Variants in RAD51B observed in about 807,000 individuals in gnomAD.
RAD51B encodes the protein RAD51 paralog B, also known as DNA repair protein RAD51 homolog 2.
RAD51B carries 38 observed loss-of-function variants against 42.2 expected under a neutral mutation model. The observed-to-expected ratio is 0.90, with a 90% CI of 0.70 to 1.18. The LOEUF (loss-of-function observed/expected upper bound fraction) is 1.18. RAD51B is among the 50% of genes most tolerant of loss of function. RAD51B has a pLI of 0.00. For missense variants in RAD51B, 373 were observed against 400.7 expected (o/e 0.93, Z 0.59); for synonymous variants, 154 against 145.2 (o/e 1.06, Z -0.43).
intron 11 of RAD51B, among the ~76,000 whole-genome samples, chr14:68,658,240 C>G (rs1213857279): frequency 6.6e-6 from 1 of 152,244 alleles, no homozygotes; most frequent in East Asian, 1.9e-4. Flanking sequence ...GTGGGAGCCT[C>G]TGAGCCAGCC....
At chr14:68,662,323 T>A (rs1200734403) in intron 11 of RAD51B, among the ~76,000 whole-genome samples, 1 of 152,248 alleles carries the variant, frequency 6.6e-6, no homozygotes, top group Non-Finnish European at 1.5e-5. Flanking sequence ...CAGATGTACA[T>A]TAATCCTATT....
chr14:68,324,023 A>G (rs562180040), intron 8 of RAD51B, among the ~76,000 whole-genome samples: 33 of 152,362 alleles, frequency 2.2e-4, no homozygotes, highest in African/African-American at 7.9e-4. Flanking sequence ...AGCTGAGAAT[A>G]AAAGCTAAGA....
chr14:68,553,988 A>G (rs1365644115), intron 10 of RAD51B, among the ~76,000 whole-genome samples: 2 of 152,208 alleles, frequency 1.3e-5, no homozygotes, highest in Non-Finnish European at 2.9e-5. Context: ...AATAACAACA[A>G]TGAAAACTTT....
intron 7 of RAD51B, among the ~76,000 whole-genome samples, chr14:68,223,521 A>G (rs957211817): frequency 6.6e-6 from 1 of 152,212 alleles, no homozygotes; most frequent in Non-Finnish European, 1.5e-5. Context: ...GTGTGGCACA[A>G]GCTTACAGGC....
At chr14:68,139,682 A>G (rs2078085838) in intron 7 of RAD51B, among the ~76,000 whole-genome samples, 1 of 152,208 alleles carries the variant, frequency 6.6e-6, no homozygotes, top group Non-Finnish European at 1.5e-5. Context: ...AATATTTGCC[A>G]GTTTTCTACT....
chr14:68,429,300 T>A (rs1157715955), intron 9 of RAD51B, among the ~76,000 whole-genome samples: 1 of 152,154 alleles, frequency 6.6e-6, no homozygotes, highest in Non-Finnish European at 1.5e-5. Context: ...AAATGGTATA[T>A]CTAGTTCTAG....
Position 68,168,160 on chromosome 14 carries a change from A to G in RAD51B, c.757-123724A>G, listed in dbSNP as rs185968523. Among the ~76,000 whole-genome samples the G allele has an allele frequency of 6.6e-5, 10 of 152,234 alleles. No homozygotes were observed. The East Asian group carries it at 1.7e-3, about 26-fold the overall frequency. The stretch of plus-strand genomic sequence containing the variant: ...ACGGACCCACAGATACTCAGATAGG[A>G]AGAGGCTCTAAAGGACATTTTCTCT... On this transcript the variant is annotated intron_variant, in intron 7 of 10. Coordinates refer to ENST00000471583, the MANE Select transcript of RAD51B (RefSeq NM_133510.4).
chr14:68,425,045 G>A (rs1030257214), intron 9 of RAD51B, among the ~76,000 whole-genome samples: 1 of 152,184 alleles, frequency 6.6e-6, no homozygotes, highest in Non-Finnish European at 1.5e-5. Context: ...AAAGGGCTGA[G>A]ATTACAGGCA....
At chr14:68,634,796 G>A (rs1236962618) in intron 10 of RAD51B, among the ~76,000 whole-genome samples, 1 of 152,118 alleles carries the variant, frequency 6.6e-6, no homozygotes, top group African/African-American at 2.4e-5. Flanking sequence ...TTAGAGATTG[G>A]GGATTCATTT....
rs547865500 is a variant in RAD51B at position 68,306,327 on chromosome 14, CT to C, written c.853+14349del. Among the ~76,000 whole-genome samples, 18 of 152,284 alleles carry C rather than the reference CT, an allele frequency of 1.2e-4. 1 individual carries two copies. In the South Asian group the frequency reaches 3.3e-3, roughly 28 times the overall value. ...TGCACTTTCAAGTTCAGGTAATCACCTTGTCCTTTTCAGTTTATTTACCCAT... is the reference window on the plus strand; with the variant it reads ...TGCACTTTCAAGTTCAGGTAATCACCTGTCCTTTTCAGTTTATTTACCCAT... On this transcript the variant is annotated intron_variant, in intron 8 of 10. Coordinates refer to ENST00000471583, the MANE Select transcript of RAD51B (RefSeq NM_133510.4).
chr14:68,586,030 C>T (rs2256224), intron 10 of RAD51B, among the ~76,000 whole-genome samples: 101,925 of 152,006 alleles, frequency 0.67, 34,735 homozygotes, highest in Non-Finnish European at 0.74. Context: ...TTGCGTTTCA[C>T]AGTGAATCGG....
intron 7 of RAD51B, among the ~76,000 whole-genome samples, chr14:68,212,601 T>A (rs1432283594): frequency 6.6e-6 from 1 of 152,196 alleles, no homozygotes; most frequent in Non-Finnish European, 1.5e-5. Context: ...AATCACATCA[T>A]TTATGAGAAA....
intron 8 of RAD51B, among the ~76,000 whole-genome samples, chr14:68,295,715 G>A (rs919078338): frequency 3.9e-5 from 6 of 152,142 alleles, no homozygotes; most frequent in African/African-American, 1.4e-4. Flanking sequence ...CCCTGAGTCA[G>A]CCCCTGCTGC....
At chr14:67,869,571 A>G (rs2042450594) in intron 5 of RAD51B, among the ~76,000 whole-genome samples, 1 of 152,234 alleles carries the variant, frequency 6.6e-6, no homozygotes, top group African/African-American at 2.4e-5. Flanking sequence ...ATTCAGATTC[A>G]GGAAATACAG....
At chr14:67,992,642 A>G (rs1018783648) in intron 7 of RAD51B, among the ~76,000 whole-genome samples, 14 of 152,168 alleles carry the variant, frequency 9.2e-5, no homozygotes, top group Non-Finnish European at 1.5e-5. Context: ...TCATCTGTAT[A>G]TGTTATTATC....
intron 9 of RAD51B, among the ~76,000 whole-genome samples, chr14:68,459,490 T>C (rs533705741): frequency 6.6e-6 from 1 of 152,222 alleles, no homozygotes; most frequent in South Asian, 2.1e-4. Context: ...GATAATAGGG[T>C]CCCTGTAGAA....
chr14:67,872,669 C>T (rs2042582431), intron 5 of RAD51B, among the ~76,000 whole-genome samples: 2 of 151,918 alleles, frequency 1.3e-5, no homozygotes, highest in African/African-American at 4.8e-5. Flanking sequence ...GGAGGCATCA[C>T]ACTACCTGAC....
chr14:67,927,136 A>G (rs2044543938), intron 7 of RAD51B, among the ~76,000 whole-genome samples: 1 of 152,220 alleles, frequency 6.6e-6, no homozygotes, highest in African/African-American at 2.4e-5. Flanking sequence ...AATCTTATTT[A>G]TAAGATATAC....
At chr14:68,132,266 T>G (rs1197628316) in intron 7 of RAD51B, among the ~76,000 whole-genome samples, 1 of 152,178 alleles carries the variant, frequency 6.6e-6, no homozygotes, top group African/African-American at 2.4e-5. Flanking sequence ...CTCAAAGATT[T>G]GGGGTGCTAT....
Sources: allele counts gnomAD v4.1 joint callset (sites outside exome capture counted in the v4.1 genomes callset), GRCh38; gene constraint gnomAD v4.1.1; transcripts MANE v1.5; gene names NCBI Gene and HGNC (gene_info 2026-07-23, HGNC 2026-07-21).